The following CSNK1G1 variants were observed in gnomAD, a reference collection of about 807,000 sequenced individuals.
The protein encoded by CSNK1G1 is casein kinase I isoform gamma-1.
In CSNK1G1, 22 loss-of-function variants were observed where a neutral mutation model predicts 59.6. The observed-to-expected ratio is 0.37, with a 90% CI of 0.26 to 0.53. The LOEUF is 0.53. Ranked by LOEUF, CSNK1G1 falls within the 20% of genes least tolerant of loss-of-function variation. The probability of loss-of-function intolerance (pLI) is 0.89; values close to 1 mark genes in which losing one functional copy is unlikely to be tolerated. For missense variants in CSNK1G1, 384 were observed against 519.5 expected, an observed-to-expected ratio of 0.74 and a Z score of 2.54; for synonymous variants, 179 against 177.1, an observed-to-expected ratio of 1.01 and a Z score of -0.08.
intron 4 of CSNK1G1, among the ~76,000 whole-genome samples, chr15:64,218,742 A>C (rs982925867): frequency 6.6e-6 from 1 of 151,746 alleles, no homozygotes; most frequent in African/African-American, 2.4e-5. Flanking sequence ...CCTAGCTTGT[A>C]TCCTCTAACA....
intron 1 of CSNK1G1, among the ~76,000 whole-genome samples, chr15:64,346,673 G>C (rs181498329): frequency 2.6e-5 from 4 of 152,032 alleles, no homozygotes; most frequent in Admixed American, 2.6e-4. Context: ...GGCCATGCTG[G>C]TCTCGAACCC....
intron 4 of CSNK1G1, among the ~76,000 whole-genome samples, chr15:64,233,307 A>G (rs2082572471): frequency 6.6e-6 from 1 of 152,234 alleles, no homozygotes; most frequent in Non-Finnish European, 1.5e-5. Context: ...TGTGTAAAAT[A>G]GAAATGTTTT....
At chr15:64,323,786 G>A (rs1409186089) in intron 1 of CSNK1G1, among the ~76,000 whole-genome samples, 1 of 152,034 alleles carries the variant, frequency 6.6e-6, no homozygotes, top group East Asian at 1.9e-4. Context: ...TCACTCTATA[G>A]CTATGTGGAA....
chr15:64,259,904 T>C (rs907015044), intron 2 of CSNK1G1, among the ~76,000 whole-genome samples: 1 of 152,238 alleles, frequency 6.6e-6, no homozygotes, highest in Non-Finnish European at 1.5e-5. Context: ...AATAACGGTT[T>C]TTCCTTTAAA....
At chr15:64,288,663 C>A (rs1470277843) in intron 2 of CSNK1G1, among the ~76,000 whole-genome samples, 1 of 151,942 alleles carries the variant, frequency 6.6e-6, no homozygotes, top group Non-Finnish European at 1.5e-5. Context: ...ATCAATCCAG[C>A]ATCACCTGCT....
Position 64,214,281 on chromosome 15 carries a change from A to G in CSNK1G1, c.445-157T>C. On this transcript the variant is annotated intron_variant, in intron 5 of 11. Transcript: ENST00000303052. This position sits in a 1 kb window ranked among gnomAD's most constrained non-coding sequence, Gnocchi z 4.3. ...GAGTCACTTCACTGACTTGTAAACA[A>G]AAAAATATTTTGCTATAAATACGTA... 2 of 621,340 alleles carry G rather than the reference A, an allele frequency of 3.2e-6. No individual in the cohort carries two copies. The highest frequency in any genetic ancestry group is 2.9e-5 in the Admixed American group (1 of 34,138). The allele number at this position is 621,340 out of a possible 1,614,324, so 38.5% of individuals were successfully genotyped here. A position where few individuals can be genotyped will look rare whatever the true frequency, so the allele number is the denominator to read the frequency against.
In CSNK1G1 at chr15:64,213,471, C is replaced by G. The variant is rs563464330; in HGVS notation, c.679+419G>C. 2.0e-5 allele frequency among the ~76,000 whole-genome samples: 3 copies of G among 152,264 alleles called. No individual in the cohort carries two copies. In the East Asian group the frequency reaches 5.8e-4, roughly 29 times the overall value. ...AAGCTCTTCCTTGAAGACTTCTGTG[C>G]AGAACTATGTGCAGTGAACAGAAGT... On this transcript the variant is annotated intron_variant, in intron 6 of 11. Transcript: ENST00000303052.
chr15:64,343,395 C>A (rs933362068), intron 1 of CSNK1G1, among the ~76,000 whole-genome samples: 6 of 152,124 alleles, frequency 3.9e-5, no homozygotes, highest in African/African-American at 1.4e-4. Flanking sequence ...CCAAATCAAA[C>A]CCAGCCTTTA....
chr15:64,229,168 C>T (rs1389326595), intron 4 of CSNK1G1, among the ~76,000 whole-genome samples: 2 of 152,056 alleles, frequency 1.3e-5, no homozygotes, highest in Non-Finnish European at 2.9e-5. Context: ...GTTTAACTTT[C>T]CCCCTACTGA....
intron 10 of CSNK1G1, among the ~76,000 whole-genome samples, chr15:64,182,654 G>A (rs1050179146): frequency 6.6e-6 from 1 of 152,136 alleles, no homozygotes; most frequent in African/African-American, 2.4e-5. Flanking sequence ...AGTACTTTGG[G>A]ATAAGATATA....
In CSNK1G1 at chr15:64,180,627, G is replaced by A. The variant is rs1389041595; in HGVS notation, c.1108-173C>T. Among the ~76,000 whole-genome samples the A allele has an allele frequency of 3.3e-5, 5 of 152,290 alleles. No individual in the cohort carries two copies. In the South Asian group the frequency reaches 8.3e-4, roughly 25 times the overall value. Reference sequence around the variant, plus strand: ...ATCATGCGAGAACACTAATATCAATGATGTAATCATATAATGATGATAATA... The same window carrying A: ...ATCATGCGAGAACACTAATATCAATAATGTAATCATATAATGATGATAATA... On this transcript the variant is annotated intron_variant, in intron 10 of 11. Transcript: ENST00000303052.
At chr15:64,313,477 A>C (rs765469837) in intron 1 of CSNK1G1, among the ~76,000 whole-genome samples, 1 of 152,190 alleles carries the variant, frequency 6.6e-6, no homozygotes, top group Non-Finnish European at 1.5e-5. Flanking sequence ...GGAAACCATC[A>C]TTCTCAGCAA....
chr15:64,291,413 C>A (rs1227228572), intron 2 of CSNK1G1, among the ~76,000 whole-genome samples: 1 of 151,944 alleles, frequency 6.6e-6, no homozygotes, highest in African/African-American at 2.4e-5. Context: ...ATGGTGAAAC[C>A]CCATCTTTAC....
In CSNK1G1 at chr15:64,168,547, A is replaced by G. The variant is rs1016734069; in HGVS notation, c.*3384T>C. ...CTTGGGAAAACTCCTAATGTATACT[A>G]TTAAGGGTTTTTATGAATAGATGCT... On this transcript the variant is annotated 3_prime_UTR_variant, in exon 12 of 12. Coordinates refer to ENST00000303052, the MANE Select transcript of CSNK1G1 (RefSeq NM_022048.5). The G allele has an allele frequency of 6.6e-6, 1 of 152,230 alleles. No homozygotes were observed. The highest frequency in any genetic ancestry group is 2.4e-5 in the African/African-American group (1 of 41,458). 9.4% of individuals were successfully genotyped at this position (152,230 alleles called of 1,614,324 possible).
intron 6 of CSNK1G1, among the ~76,000 whole-genome samples, chr15:64,212,190 A>C (rs2082257343): frequency 6.6e-6 from 1 of 152,252 alleles, no homozygotes; most frequent in Non-Finnish European, 1.5e-5. Context: ...GATAGTAAGT[A>C]CCAGAGGACC....
At chr15:64,241,327 T>A (rs2082691039) in intron 4 of CSNK1G1, among the ~76,000 whole-genome samples, 1 of 152,226 alleles carries the variant, frequency 6.6e-6, no homozygotes, top group Non-Finnish European at 1.5e-5. Context: ...TGTAAATATA[T>A]GTGTGCTCAA....
intron 2 of CSNK1G1, among the ~76,000 whole-genome samples, chr15:64,289,179 C>CAA (rs111427455): frequency 4.2e-4 from 46 of 109,070 alleles, no homozygotes; most frequent in East Asian, 8.3e-4. Flanking sequence ...GACTCTGTAT[C>CAA]AAAAAAAAAA....
In CSNK1G1 at chr15:64,218,609, G is replaced by A. The variant is rs140866943; in HGVS notation, c.293-1896C>T. On this transcript the variant is annotated intron_variant, in intron 4 of 11. Coordinates refer to ENST00000303052, the MANE Select transcript of CSNK1G1 (RefSeq NM_022048.5). ...TTGCCATGTTGGCCAGGCTGCTCTC[G>A]AACTCCCGACTTCAAGTGATCCATC... Among the ~76,000 whole-genome samples the A allele has an allele frequency of 3.0e-3, 448 of 151,022 alleles. 2 individuals carry two copies. The highest frequency in any genetic ancestry group is 9.6e-3 in the African/African-American group (395 of 41,128).
chr15:64,332,706 C>G (rs1897175875), intron 1 of CSNK1G1, among the ~76,000 whole-genome samples: 1 of 147,428 alleles, frequency 6.8e-6, no homozygotes, highest in African/African-American at 2.5e-5. Flanking sequence ...TAAAAAAACC[C>G]AAATCACAAA....
Sources: gnomAD v4.1 joint callset for allele counts (sites outside exome capture counted in the v4.1 genomes callset) on GRCh38, gnomAD v4.1.1 for gene constraint, Gnocchi (gnomAD v3.1) non-coding constraint, MANE v1.5 for transcripts, NCBI Gene and HGNC (gene_info 2026-07-23, HGNC 2026-07-21) for gene names.